The following WDFY4 variants were observed in gnomAD, a reference collection of about 807,000 sequenced individuals.
The protein encoded by WDFY4 is WDFY family member 4, also known as WD repeat- and FYVE domain-containing protein 4.
In WDFY4, 169 loss-of-function variants were observed where a neutral mutation model predicts 351.9. The observed-to-expected ratio is 0.48, with a 90% CI of 0.42 to 0.55. The LOEUF is 0.55. Among genes scored for constraint, WDFY4 ranks in the 20% least tolerant of loss-of-function variants. WDFY4 has a pLI of 0.00. For synonymous variants in WDFY4, 1,622 were observed against 1,574.6 expected, an observed-to-expected ratio of 1.03 and a Z score of -0.71; for missense variants, 3,803 against 3,935.6, an observed-to-expected ratio of 0.97 and a Z score of 0.90.
chr10:48,827,585 G>A (rs193262565), intron 36 of WDFY4, among the ~76,000 whole-genome samples: 2 of 150,360 alleles, frequency 1.3e-5, no homozygotes, highest in East Asian at 4.1e-4. Context: ...CCTGCTGGCT[G>A]TGAGTATGAT....
Position 48,728,841 on chromosome 10 carries a change from G to A in WDFY4, c.972-591G>A, listed in dbSNP as rs116727777. Among the ~76,000 whole-genome samples, 775 of 152,338 alleles carry A rather than the reference G, an allele frequency of 5.1e-3. 6 individuals carry two copies. The highest frequency in any genetic ancestry group is 0.018 in the African/African-American group (734 of 41,578). On this transcript the variant is annotated intron_variant, in intron 7 of 61. Transcript: ENST00000325239. ...CTTGTGGAAGGCAGGAGAGGGGACA[G>A]AAACCTATTCCAGGGAGTGCCAAGA... is the stretch of plus-strand genomic sequence containing the variant.
intron 13 of WDFY4, among the ~76,000 whole-genome samples, chr10:48,773,221 G>A (rs2065924248): frequency 1.3e-5 from 2 of 152,240 alleles, no homozygotes; most frequent in South Asian, 4.1e-4. Flanking sequence ...TTCAACCATT[G>A]TGGAGGGCAG....
intron 51 of WDFY4, 146 bp downstream of exon 51, chr10:48,947,115 T>G (rs918384406): frequency 1.4e-6 from 1 of 708,272 alleles, no homozygotes; most frequent in Non-Finnish European, 2.3e-6. Context: ...CCAGTTGACA[T>G]TGGCTCCAGG....
chr10:48,963,121 C>T (rs906881867), intron 53 of WDFY4, among the ~76,000 whole-genome samples: 2 of 152,178 alleles, frequency 1.3e-5, no homozygotes, highest in African/African-American at 4.8e-5. Flanking sequence ...GGATCAAAAA[C>T]CACACATGAG....
chr10:48,803,069 C>T (rs552642714), intron 24 of WDFY4, among the ~76,000 whole-genome samples: 1 of 152,280 alleles, frequency 6.6e-6, no homozygotes, highest in East Asian at 1.9e-4. Context: ...AATGAAGTGC[C>T]AAGTAGCAGC....
chr10:48,731,087 A>T (rs369148723), intron 8 of WDFY4, 23 bp from the exon 9 acceptor site: 1 of 1,500,048 alleles, frequency 6.7e-7, no homozygotes, highest in Non-Finnish European at 8.9e-7. Context: ...GACTTGTAAG[A>T]TCATTCTTGT....
intron 9 of WDFY4, among the ~76,000 whole-genome samples, chr10:48,732,779 A>G (rs185436400): frequency 2.0e-5 from 3 of 152,328 alleles, no homozygotes; most frequent in East Asian, 3.9e-4. Context: ...CCTTGTCCCT[A>G]TAGTTCCAGT....
rs1449990479 is a variant in WDFY4, at chr10:48,776,815, C to A, written c.2929C>A (p.Pro977Thr). ...AGCTGCCCCAGATGCTGGGCTGCAC[C>A]CTGGAGTCACACAGGCCCCGCAGCC... ...WPAAPDAGLH[P>T]GVTQAPQPLG... Residue 977 changes from proline (P) to threonine (T), a missense_variant, in exon 16 of 62, where the codon CCT (proline) becomes ACT (threonine). Coordinates refer to ENST00000325239, the MANE Select transcript of WDFY4 (RefSeq NM_001394531.1). The A allele has an allele frequency of 6.4e-7, 1 of 1,551,492 alleles. No homozygotes were observed. Among genetic ancestry groups the A allele is most frequent in the Non-Finnish European group, 8.7e-7 (1 of 1,147,018 alleles).
chr10:48,944,079 C>T (rs190078436), intron 49 of WDFY4, among the ~76,000 whole-genome samples: 15 of 152,328 alleles, frequency 9.8e-5, no homozygotes, highest in African/African-American at 3.1e-4. Flanking sequence ...ATGGGTCAGC[C>T]CTTGTGGGGT....
chr10:48,895,296 G>T lies in WDFY4; in HGVS notation c.7317-2158G>T, dbSNP rs551393012. Among the ~76,000 whole-genome samples, 95 of 152,358 alleles carry T rather than the reference G, an allele frequency of 6.2e-4. 1 individual carries two copies. Among genetic ancestry groups the T allele is most frequent in the African/African-American group, 2.2e-3 (91 of 41,586 alleles). ...ACTTCCCCAAGAAGTGGGGCATGGA[G>T]GCTCCATGGGCTACATTGTAGGCTG... On this transcript the variant is annotated intron_variant, in intron 44 of 61. Coordinates refer to ENST00000325239, the MANE Select transcript of WDFY4 (RefSeq NM_001394531.1).
At chr10:48,872,733 A>G (rs1285777374) in intron 40 of WDFY4, among the ~76,000 whole-genome samples, 1 of 152,244 alleles carries the variant, frequency 6.6e-6, no homozygotes, top group Non-Finnish European at 1.5e-5. Context: ...ATGTATTATT[A>G]GAAAAGTTTG....
chr10:48,907,042 A>G (rs1388154995), intron 47 of WDFY4, among the ~76,000 whole-genome samples: 1 of 152,094 alleles, frequency 6.6e-6, no homozygotes, highest in Non-Finnish European at 1.5e-5. Flanking sequence ...TTCCTTTTTA[A>G]TAAAACATAC....
chr10:48,909,909 T>G (rs1365642072), intron 47 of WDFY4: 1 of 303,808 alleles, frequency 3.3e-6, no homozygotes, highest in East Asian at 6.7e-5. Context: ...CTGAGTGAAA[T>G]GTAGAGGCAG....
intron 10 of WDFY4, 34 bp downstream of exon 10, chr10:48,734,069 T>G: frequency 1.3e-6 from 2 of 1,526,376 alleles, no homozygotes; most frequent in South Asian, 2.4e-5. Context: ...TCATCACTGC[T>G]TGGTAAAACA....
At position 48,941,286 on chromosome 10, in the gene WDFY4, C is replaced by T. The variant is rs191525300; in HGVS notation, c.7587-520C>T. On this transcript the variant is annotated intron_variant, in intron 47 of 61. Transcript: ENST00000325239. ...ATGATTGAAGTTTTTTAGAAACAAA[C>T]AACAAAAAAAACTATGTAGGCATAT... is the stretch of plus-strand genomic sequence containing the variant. Among the ~76,000 whole-genome samples, 10 of 152,100 alleles carry T rather than the reference C, an allele frequency of 6.6e-5. No individual in the cohort carries two copies. In the East Asian group the frequency reaches 1.9e-3, roughly 29 times the overall value.
chr10:48,901,783 C>A lies in WDFY4; in HGVS notation c.7524-18C>A. On this transcript the variant is annotated intron_variant, in intron 46 of 61. Coordinates refer to ENST00000325239, the MANE Select transcript of WDFY4 (RefSeq NM_001394531.1). ...TCTTGACTCTGCTGATGGAATTATC[C>A]CTTCCCTTTTCATGTAGCTTCTGCT... 3 of 1,551,296 alleles carry A rather than the reference C, an allele frequency of 1.9e-6. No homozygotes were observed. Among genetic ancestry groups the A allele is most frequent in the Non-Finnish European group, 2.6e-6 (3 of 1,146,682 alleles).
At chr10:48,898,609 G>T (rs1309348300) in intron 45 of WDFY4, among the ~76,000 whole-genome samples, 1 of 152,170 alleles carries the variant, frequency 6.6e-6, no homozygotes. Context: ...GAAGCTCAGG[G>T]TGGCCTTTAA....
At chr10:48,732,253 T>A (rs2064488092) in intron 9 of WDFY4, among the ~76,000 whole-genome samples, 1 of 152,242 alleles carries the variant, frequency 6.6e-6, no homozygotes, top group South Asian at 2.1e-4. Context: ...GTGGTGGTCT[T>A]TAACTACCAT....
intron 54 of WDFY4, among the ~76,000 whole-genome samples, chr10:48,964,419 A>G (rs970259756): frequency 2.3e-4 from 35 of 152,238 alleles, no homozygotes; most frequent in African/African-American, 7.0e-4. Context: ...CACTTAACAA[A>G]TGTTAGCTAT....
Sources: gnomAD v4.1 joint callset for allele counts (sites outside exome capture counted in the v4.1 genomes callset) on GRCh38, gnomAD v4.1.1 for gene constraint, MANE v1.5 for transcripts, NCBI Gene and HGNC (gene_info 2026-07-23, HGNC 2026-07-21) for gene names.